PTPRU: variants seen among roughly 807,000 people sequenced by gnomAD.
PTPRU encodes protein tyrosine phosphatase receptor type U.
In PTPRU, 69 loss-of-function variants were observed where a neutral mutation model predicts 166.3. The observed-to-expected ratio is 0.41, with a 90% confidence interval of 0.34 to 0.51. The LOEUF is 0.51. Among genes scored for constraint, PTPRU ranks in the 20% least tolerant of loss-of-function variants. The pLI is 0.09. For missense variants in PTPRU, 1,657 were observed against 2,013.7 expected (o/e 0.82, Z 3.39); for synonymous variants, 793 against 814.0 (o/e 0.97, Z 0.44).
At chr1:29,248,600 A>G (rs918687882) in intron 1 of PTPRU, among the ~76,000 whole-genome samples, 1 of 152,168 alleles carries the variant, frequency 6.6e-6, no homozygotes, top group African/African-American at 2.4e-5. Context: ...CATTGCAAAC[A>G]GGCTCTGTTT....
intron 1 of PTPRU, among the ~76,000 whole-genome samples, chr1:29,249,829 C>T (rs1684471389): frequency 6.6e-6 from 1 of 152,176 alleles, no homozygotes; most frequent in African/African-American, 2.4e-5. Flanking sequence ...TTTATCTCAT[C>T]TGAATCCAGG....
Position 29,311,783 on chromosome 1 carries a change from C to G in PTPRU, c.3072+24C>G. The stretch of plus-strand genomic sequence containing the variant: ...GGGTGAGTCTCCCCACCGCCTGTTC[C>G]CTGCAGAGGGTGCCTGAGCAGGGAT... On this transcript the variant is annotated intron_variant, in intron 21 of 29. Coordinates refer to ENST00000373779, the MANE Select transcript of PTPRU (RefSeq NM_133178.4). This position sits in a 1 kb window ranked among gnomAD's most constrained non-coding sequence, Gnocchi z 4.1. 6.2e-7 allele frequency: 1 copy of G among 1,601,908 alleles called. No individual in the cohort carries two copies. The highest frequency in any genetic ancestry group is 8.5e-7 in the Non-Finnish European group (1 of 1,170,588).
chr1:29,278,897 G>C (rs1424908598), intron 8 of PTPRU, 115 bp from the exon 9 acceptor site: 1 of 748,474 alleles, frequency 1.3e-6, no homozygotes, highest in Non-Finnish European at 2.2e-6. Context: ...GTAAGGTGCA[G>C]AGAGGCTGAA....
At chr1:29,248,975 G>A (rs970915614) in intron 1 of PTPRU, among the ~76,000 whole-genome samples, 1 of 152,112 alleles carries the variant, frequency 6.6e-6, no homozygotes, top group Non-Finnish European at 1.5e-5. Flanking sequence ...TGACCTTAGC[G>A]GTCCCCACTC....
At position 29,305,380 on chromosome 1, in the gene PTPRU, G is replaced by A. The variant is rs781326938; in HGVS notation, c.2772G>A (p.Pro924=). 27 of 1,613,852 alleles carry A rather than the reference G, an allele frequency of 1.7e-5. No homozygotes were observed. Among genetic ancestry groups the A allele is most frequent in the African/African-American group, 4.0e-5 (3 of 74,924 alleles). The change falls in exon 18 of 30, where the codon CCG becomes CCA. Residue 924 remains proline, a synonymous_variant. Transcript: ENST00000373779. Reference sequence around the variant, plus strand: ...ATCGGCACCGAGTGAAACTGCACCCGATGCTGGGAGACCCCAATGCCGACT... The same window carrying A: ...ATCGGCACCGAGTGAAACTGCACCCAATGCTGGGAGACCCCAATGCCGACT... ...AYDRHRVKLH[P]MLGDPNADYI...
chr1:29,259,175 A>G, intron 3 of PTPRU, 86 bp from the exon 4 acceptor site: 1 of 1,383,944 alleles, frequency 7.2e-7, no homozygotes, highest in Non-Finnish European at 1.0e-6. Flanking sequence ...GAGGCAGAGG[A>G]GGCTGAGGCC....
chr1:29,284,374 C>A (rs1190035382), intron 13 of PTPRU, among the ~76,000 whole-genome samples: 1 of 152,150 alleles, frequency 6.6e-6, no homozygotes, highest in East Asian at 1.9e-4. Flanking sequence ...GATGGACTAA[C>A]CATGCCCTAG....
At chr1:29,273,144 T>C (rs2151950181) in intron 7 of PTPRU, among the ~76,000 whole-genome samples, 1 of 152,312 alleles carries the variant, frequency 6.6e-6, no homozygotes. Context: ...TCCCTCATTT[T>C]ACTGATCCAG....
At chr1:29,276,906 C>T (rs556310529) in intron 8 of PTPRU, among the ~76,000 whole-genome samples, 23 of 152,094 alleles carry the variant, frequency 1.5e-4, no homozygotes, top group South Asian at 6.2e-4. Flanking sequence ...TTCTAATATA[C>T]GTGTTTAAAG....
At chr1:29,324,171 T>C (rs1005848210) in intron 28 of PTPRU, among the ~76,000 whole-genome samples, 1 of 151,974 alleles carries the variant, frequency 6.6e-6, no homozygotes, top group Non-Finnish European at 1.5e-5. Context: ...CATCCACCCA[T>C]CCATCCATCC....
chr1:29,284,038 G>T, intron 13 of PTPRU, 62 bp downstream of exon 13: 1 of 1,587,858 alleles, frequency 6.3e-7, no homozygotes, highest in South Asian at 1.1e-5. Context: ...CAGCGCTGGG[G>T]AGGTGGATCC....
chr1:29,243,063 A>C (rs1684127917), intron 1 of PTPRU, among the ~76,000 whole-genome samples: 1 of 152,004 alleles, frequency 6.6e-6, no homozygotes, highest in African/African-American at 2.4e-5. Context: ...ACGCTCGGCT[A>C]ATTTTTTGTA....
rs1175870568 is a variant in PTPRU, at chr1:29,269,246, A to ATTTTTTTTTT, written c.1145-6182_1145-6173dup. On this transcript the variant is annotated intron_variant, in intron 7 of 29. Transcript: ENST00000373779. The stretch of plus-strand genomic sequence containing the variant: ...TATATATATATATATATATATATAT[A>ATTTTTTTTTT]TTTTTTTTTTTTTTTTTTTTTTTTT... Among the ~76,000 whole-genome samples, 30 of 20,584 alleles carry ATTTTTTTTTT rather than the reference A, an allele frequency of 1.5e-3. 5 individuals are homozygous for ATTTTTTTTTT. The highest frequency in any genetic ancestry group is 2.4e-3 in the Non-Finnish European group (24 of 9,980). The allele number at this position is 20,584 out of a possible 152,430, so 13.5% of individuals were successfully genotyped here. A position where few individuals can be genotyped will look rare whatever the true frequency, so the allele number is the denominator to read the frequency against.
chr1:29,315,364 C>G lies in PTPRU; in HGVS notation c.3228-8C>G. Reference sequence around the variant, plus strand: ...CTCTGACCTGGTCTGGGGCTGCTCTCTCTCCAGCGCGGGCACCGGCCGCAC... The same window carrying G: ...CTCTGACCTGGTCTGGGGCTGCTCTGTCTCCAGCGCGGGCACCGGCCGCAC... On this transcript the variant is annotated splice_polypyrimidine_tract_variant and splice_region_variant and intron_variant, in intron 22 of 29. Coordinates refer to ENST00000373779, the MANE Select transcript of PTPRU (RefSeq NM_133178.4). This position sits in a 1 kb window ranked among gnomAD's most constrained non-coding sequence, Gnocchi z 4.5. The G allele has an allele frequency of 6.2e-7, 1 of 1,614,098 alleles. No homozygotes were observed. Among genetic ancestry groups the G allele is most frequent in the Non-Finnish European group, 8.5e-7 (1 of 1,180,030 alleles).
intron 15 of PTPRU, among the ~76,000 whole-genome samples, chr1:29,302,341 T>C (rs1687176048): frequency 6.6e-6 from 1 of 152,038 alleles, no homozygotes; most frequent in Admixed American, 6.6e-5. Flanking sequence ...TAAGCTAAGG[T>C]TAATTTATTA....
rs1342736763 is a variant in PTPRU, at chr1:29,311,406, G to C, written c.2858-50G>C. On this transcript the variant is annotated intron_variant, in intron 19 of 29. Transcript: ENST00000373779. This position sits in a 1 kb window ranked among gnomAD's most constrained non-coding sequence, Gnocchi z 4.1. Reference sequence around the variant, plus strand: ...TGGATGGTGCTGGATGTGCTGACCTGGGGTGGAGACCTTGTCTCAGGGACA... The same window carrying C: ...TGGATGGTGCTGGATGTGCTGACCTCGGGTGGAGACCTTGTCTCAGGGACA... 20 of 1,578,662 alleles carry C rather than the reference G, an allele frequency of 1.3e-5. No homozygotes were observed. Among genetic ancestry groups the C allele is most frequent in the African/African-American group, 2.7e-5 (2 of 74,242 alleles).
chr1:29,279,049 T>C lies in PTPRU; in HGVS notation c.1491T>C (p.Thr497=). The C allele has an allele frequency of 1.3e-6, 2 of 1,593,296 alleles. No individual in the cohort carries two copies. The highest frequency in any genetic ancestry group is 1.7e-6 in the Non-Finnish European group (2 of 1,169,442). ...SGIAAESLTF[T]PLEDMIFLKW... ...TTGCAGCCGAGTCCCTGACCTTCAC[T>C]CCACTGGAGGACATGATCTTCCTCA... Residue 497 remains threonine, a synonymous_variant, in exon 9 of 30, where the codon ACT becomes ACC. Transcript: ENST00000373779. This position sits in a 1 kb window ranked among gnomAD's most constrained non-coding sequence, Gnocchi z 5.2.
chr1:29,263,813 G>A (rs1685173178), intron 7 of PTPRU, among the ~76,000 whole-genome samples: 1 of 152,144 alleles, frequency 6.6e-6, no homozygotes, highest in Non-Finnish European at 1.5e-5. Flanking sequence ...TCTTCAGAGT[G>A]TTAAAAATGA....
chr1:29,304,568 C>A (rs930724815), intron 16 of PTPRU, among the ~76,000 whole-genome samples: 1 of 152,108 alleles, frequency 6.6e-6, no homozygotes, highest in African/African-American at 2.4e-5. Flanking sequence ...CATTTCCCTT[C>A]CCCCCACATG....
Sources: gnomAD v4.1 joint callset for allele counts (sites outside exome capture counted in the v4.1 genomes callset) on GRCh38, gnomAD v4.1.1 for gene constraint, Gnocchi (gnomAD v3.1) non-coding constraint, MANE v1.5 for transcripts, NCBI Gene and HGNC (gene_info 2026-07-23, HGNC 2026-07-21) for gene names.